The following PLCL1 variants were observed in gnomAD, a reference collection of about 807,000 sequenced individuals.
PLCL1 encodes the protein inactive phospholipase C-like protein 1.
PLCL1 carries 41 observed loss-of-function variants against 84.4 expected under a neutral mutation model. The ratio of observed to expected loss-of-function variants is 0.49; its 90% CI spans 0.38 to 0.63. The LOEUF (loss-of-function observed/expected upper bound fraction) is 0.63, where lower values mean the gene tolerates loss of function less well. Ranked by LOEUF, PLCL1 falls within the 30% of genes least tolerant of loss-of-function variation. The pLI, the probability that PLCL1 is intolerant of heterozygous loss-of-function variation, is 0.00. For missense variants in PLCL1, 1,206 were observed against 1,367.8 expected, an observed-to-expected ratio of 0.88 and a Z score of 1.87; for synonymous variants, 490 against 488.3, an observed-to-expected ratio of 1.00 and a Z score of -0.05.
intron 1 of PLCL1, among the ~76,000 whole-genome samples, chr2:197,861,979 C>A (rs1001880225): frequency 1.2e-4 from 18 of 152,166 alleles, no homozygotes; most frequent in Admixed American, 5.2e-4. Context: ...CGGCACTCTT[C>A]TTTTTCAGTT....
intron 1 of PLCL1, among the ~76,000 whole-genome samples, chr2:198,023,066 A>G (rs989071268): frequency 2.0e-5 from 3 of 152,208 alleles, no homozygotes; most frequent in African/African-American, 7.2e-5. Context: ...GACCAATGGA[A>G]CAGAACAGAG....
chr2:197,891,959 A>G (rs1388856192), intron 1 of PLCL1, among the ~76,000 whole-genome samples: 2 of 152,112 alleles, frequency 1.3e-5, no homozygotes, highest in African/African-American at 4.8e-5. Context: ...TTTTTGATTA[A>G]ATGAGAATTT....
chr2:197,891,041 T>G (rs189944948), intron 1 of PLCL1, among the ~76,000 whole-genome samples: 1 of 143,898 alleles, frequency 6.9e-6, no homozygotes, highest in Non-Finnish European at 1.5e-5. Context: ...GCTTCAAAAG[T>G]TTTTTTTTTT....
At chr2:198,113,898 C>A (rs1402001877) in intron 5 of PLCL1, among the ~76,000 whole-genome samples, 2 of 151,580 alleles carry the variant, frequency 1.3e-5, no homozygotes, top group African/African-American at 2.4e-5. Context: ...AGTTTTATAA[C>A]CATGTGTATC....
At chr2:197,910,143 T>C (rs1421401812) in intron 1 of PLCL1, among the ~76,000 whole-genome samples, 1 of 152,238 alleles carries the variant, frequency 6.6e-6, no homozygotes, top group African/African-American at 2.4e-5. Context: ...GTATACAAGA[T>C]GGTTAGCATA....
At chr2:197,923,663 C>T (rs1319004294) in intron 1 of PLCL1, among the ~76,000 whole-genome samples, 13 of 149,816 alleles carry the variant, frequency 8.7e-5, no homozygotes, top group African/African-American at 3.2e-4. Flanking sequence ...AGACGCTCCT[C>T]ACTTTCCAGA....
chr2:197,838,729 C>T (rs996009623), intron 1 of PLCL1, among the ~76,000 whole-genome samples: 4 of 152,128 alleles, frequency 2.6e-5, no homozygotes, highest in Admixed American at 6.5e-5. Context: ...ATACACTTCC[C>T]GTTTCACAGG....
intron 1 of PLCL1, among the ~76,000 whole-genome samples, chr2:197,990,908 T>C (rs1351679729): frequency 3.3e-5 from 5 of 152,200 alleles, no homozygotes; most frequent in African/African-American, 1.2e-4. Flanking sequence ...TTTTATAGGA[T>C]GTGTTATAGA....
chr2:197,843,595 A>G lies in PLCL1; in HGVS notation c.240+38256A>G, dbSNP rs556549986. 1.1e-3 allele frequency among the ~76,000 whole-genome samples: 167 copies of G among 152,310 alleles called. 5 individuals carry two copies. In the South Asian group the frequency reaches 0.034, roughly 31 times the overall value. On this transcript the variant is annotated intron_variant, in intron 1 of 5. Transcript: ENST00000428675. ...AGGAAAATCTCAAACAGTTGGCATG[A>G]ACACAAATGGAGTATCCTGAACTCA...
intron 1 of PLCL1, among the ~76,000 whole-genome samples, chr2:198,010,663 A>C (rs905838977): frequency 3.3e-5 from 5 of 151,908 alleles, no homozygotes; most frequent in African/African-American, 1.2e-4. Context: ...TGCTAGCCTC[A>C]TAGAATGAGT....
At chr2:197,809,627 G>A (rs1690543188) in intron 1 of PLCL1, among the ~76,000 whole-genome samples, 1 of 152,144 alleles carries the variant, frequency 6.6e-6, no homozygotes. Flanking sequence ...AATATATGGA[G>A]CTTACATCCT....
rs774510596 is a variant in PLCL1 at position 198,085,923 on chromosome 2, C to T, written c.2406C>T (p.Asp802=). 6.8e-6 allele frequency: 11 copies of T among 1,613,952 alleles called. No homozygotes were observed. The East Asian group carries it at 1.6e-4, about 23-fold the overall frequency. ...AMIRFVVLDD[D]YIGDEFIGQY... ...TCCGTTTTGTTGTTCTGGATGATGA[C>T]TACATTGGGGATGAGTTTATAGGGC... The change falls in exon 2 of 6, where the codon GAC becomes GAT. Residue 802 remains aspartate (D), a synonymous_variant. Transcript: ENST00000428675. This position sits in a 1 kb window ranked among gnomAD's most constrained non-coding sequence, Gnocchi z 5.3.
At chr2:198,088,445 A>G (rs1014272992) in intron 2 of PLCL1, among the ~76,000 whole-genome samples, 2 of 152,190 alleles carry the variant, frequency 1.3e-5, no homozygotes, top group Admixed American at 1.3e-4. Context: ...TTTCTGATGA[A>G]GTGACAAAGG....
chr2:197,954,329 C>G (rs558384757), intron 1 of PLCL1, among the ~76,000 whole-genome samples: 2 of 152,178 alleles, frequency 1.3e-5, no homozygotes, highest in South Asian at 2.1e-4. Context: ...GGTTTGATCA[C>G]AAAACATTTT....
chr2:198,133,538 A>T (rs1287101838), intron 5 of PLCL1, among the ~76,000 whole-genome samples: 1 of 150,366 alleles, frequency 6.7e-6, no homozygotes, highest in Non-Finnish European at 1.5e-5. Flanking sequence ...AAAAAAAAAA[A>T]CTTCCAAGTA....
intron 5 of PLCL1, among the ~76,000 whole-genome samples, chr2:198,118,275 T>A (rs981045897): frequency 1.7e-4 from 26 of 152,080 alleles, no homozygotes; most frequent in African/African-American, 6.0e-4. Context: ...ACTAAATCAT[T>A]CGGTCATCCT....
intron 1 of PLCL1, among the ~76,000 whole-genome samples, chr2:197,889,972 G>A (rs1687985312): frequency 6.6e-6 from 1 of 152,144 alleles, no homozygotes; most frequent in Non-Finnish European, 1.5e-5. Context: ...CAGAAGCAGT[G>A]CCCCAATTTG....
chr2:198,017,458 T>C (rs1691024904), intron 1 of PLCL1, among the ~76,000 whole-genome samples: 1 of 152,220 alleles, frequency 6.6e-6, no homozygotes, highest in Non-Finnish European at 1.5e-5. Context: ...AAGAGGAATC[T>C]AGGAAAGATT....
chr2:197,995,558 C>T (rs1690440487), intron 1 of PLCL1, among the ~76,000 whole-genome samples: 1 of 151,976 alleles, frequency 6.6e-6, no homozygotes, highest in Admixed American at 6.6e-5. Flanking sequence ...GTTTATGAGG[C>T]AATAGTTCCA....
Sources: allele counts gnomAD v4.1 joint callset (sites outside exome capture counted in the v4.1 genomes callset), GRCh38; gene constraint gnomAD v4.1.1; non-coding constraint Gnocchi (gnomAD v3.1); transcripts MANE v1.5; gene names NCBI Gene and HGNC (gene_info 2026-07-23, HGNC 2026-07-21).